GRM7: variants seen among roughly 807,000 people sequenced by gnomAD.
GRM7 encodes glutamate metabotropic receptor 7, also known as metabotropic glutamate receptor 7.
GRM7 carries 35 observed loss-of-function variants against 84.5 expected under a neutral mutation model. The ratio of observed to expected loss-of-function variants is 0.41; its 90% CI spans 0.32 to 0.55. The LOEUF is 0.55. GRM7 is among the 20% of genes least tolerant of loss of function. The pLI, the probability that GRM7 is intolerant of heterozygous loss-of-function variation, is 0.19. For missense variants in GRM7, 1,003 were observed against 1,194.6 expected (o/e 0.84, Z 2.36); for synonymous variants, 487 against 455.1 (o/e 1.07, Z -0.89).
intron 1 of GRM7, among the ~76,000 whole-genome samples, chr3:7,093,089 C>T (rs1193491470): frequency 1.3e-5 from 2 of 152,000 alleles, no homozygotes; most frequent in South Asian, 2.1e-4. Context: ...CCAACAACAG[C>T]GACAACAACA....
chr3:7,455,852 T>A (rs1035035915), intron 6 of GRM7, among the ~76,000 whole-genome samples: 20 of 152,150 alleles, frequency 1.3e-4, no homozygotes, highest in Non-Finnish European at 2.8e-4. Flanking sequence ...TTAGATATAG[T>A]ATGATTTTAA....
intron 8 of GRM7, among the ~76,000 whole-genome samples, chr3:7,675,752 G>A (rs1244958292): frequency 1.3e-5 from 2 of 152,146 alleles, no homozygotes; most frequent in African/African-American, 4.8e-5. Flanking sequence ...AATATATAAA[G>A]TGGTTACAGT....
intron 1 of GRM7, among the ~76,000 whole-genome samples, chr3:6,973,930 G>T (rs922124884): frequency 1.3e-5 from 2 of 152,094 alleles, no homozygotes; most frequent in African/African-American, 2.4e-5. Flanking sequence ...CTGATAGGCT[G>T]GTGTGTTAAG....
chr3:7,342,317 C>T (rs186842622), intron 4 of GRM7, among the ~76,000 whole-genome samples: 2 of 152,220 alleles, frequency 1.3e-5, no homozygotes, highest in South Asian at 2.1e-4. Flanking sequence ...TGTCAAGAAA[C>T]ATCAAAAGTT....
chr3:7,033,275 C>G (rs919255288), intron 1 of GRM7, among the ~76,000 whole-genome samples: 1 of 152,100 alleles, frequency 6.6e-6, no homozygotes, highest in Non-Finnish European at 1.5e-5. Flanking sequence ...CGGATTATAT[C>G]TGCAAAGACC....
chr3:7,418,035 C>A (rs572601002), intron 5 of GRM7, among the ~76,000 whole-genome samples: 124 of 152,190 alleles, frequency 8.1e-4, no homozygotes, highest in African/African-American at 2.8e-3. Flanking sequence ...GCTGTTCATA[C>A]TTCATAATTT....
At chr3:7,165,794 G>A (rs978968395) in intron 2 of GRM7, among the ~76,000 whole-genome samples, 5 of 152,200 alleles carry the variant, frequency 3.3e-5, no homozygotes, top group South Asian at 4.1e-4. Flanking sequence ...TATAATTTCA[G>A]TTGTACTATC....
intron 6 of GRM7, among the ~76,000 whole-genome samples, chr3:7,455,109 C>A (rs1415871184): frequency 6.6e-6 from 1 of 152,064 alleles, no homozygotes; most frequent in East Asian, 1.9e-4. Context: ...ATCCCATTGG[C>A]CAACTCTGGG....
intron 8 of GRM7, among the ~76,000 whole-genome samples, chr3:7,668,306 T>A (rs1699783569): frequency 1.3e-5 from 2 of 152,218 alleles, no homozygotes; most frequent in South Asian, 4.1e-4. Context: ...ATGGAATCTC[T>A]ATCTTTGTGT....
intron 2 of GRM7, among the ~76,000 whole-genome samples, chr3:7,162,854 G>A (rs1300790827): frequency 7.0e-6 from 1 of 142,142 alleles, no homozygotes; most frequent in African/African-American, 2.6e-5. Context: ...CCACCTCCTG[G>A]GTTCAAGCGA....
At chr3:7,128,031 G>T (rs1693459445) in intron 1 of GRM7, among the ~76,000 whole-genome samples, 1 of 151,778 alleles carries the variant, frequency 6.6e-6, no homozygotes, top group South Asian at 2.1e-4. Flanking sequence ...AAAGGTAAAA[G>T]ATGGCCAGTA....
chr3:6,955,257 C>G (rs74586455), intron 1 of GRM7, among the ~76,000 whole-genome samples: 3 of 152,212 alleles, frequency 2.0e-5, no homozygotes, highest in Admixed American at 6.5e-5. Flanking sequence ...GAATGACGGC[C>G]GGGGCTGGTG....
intron 1 of GRM7, among the ~76,000 whole-genome samples, chr3:6,974,852 G>A (rs1693926934): frequency 6.6e-6 from 1 of 152,144 alleles, no homozygotes; most frequent in Non-Finnish European, 1.5e-5. Flanking sequence ...TTACCACAGA[G>A]TTTTTCTGGA....
chr3:7,014,948 G>T (rs1354855669), intron 1 of GRM7, among the ~76,000 whole-genome samples: 1 of 152,148 alleles, frequency 6.6e-6, no homozygotes, highest in Non-Finnish European at 1.5e-5. Context: ...TGGCTAGCTA[G>T]GGGTTTGTAA....
chr3:7,259,040 G>A (rs747159717), intron 2 of GRM7, among the ~76,000 whole-genome samples: 3 of 152,208 alleles, frequency 2.0e-5, no homozygotes, highest in Non-Finnish European at 4.4e-5. Context: ...CTACTGCTAG[G>A]TTGGAGCCAG....
Position 7,635,042 on chromosome 3 carries a change from T to G in GRM7, c.2452-45007T>G, listed in dbSNP as rs1044066950. 2.0e-5 allele frequency among the ~76,000 whole-genome samples: 3 copies of G among 152,196 alleles called. No homozygotes were observed. The East Asian group carries it at 5.8e-4, about 29-fold the overall frequency. On this transcript the variant is annotated intron_variant, in intron 8 of 9. Transcript: ENST00000357716. Reference sequence around the variant, plus strand: ...GTAATGATGGAAATGTCCTCTGAATTGCCTCATGTGGCAGCCATAGCCTCA... The same window carrying G: ...GTAATGATGGAAATGTCCTCTGAATGGCCTCATGTGGCAGCCATAGCCTCA...
chr3:7,058,375 G>T (rs563044533), intron 1 of GRM7, among the ~76,000 whole-genome samples: 3 of 151,790 alleles, frequency 2.0e-5, no homozygotes, highest in Middle Eastern at 3.4e-3. Flanking sequence ...CATGTTAATT[G>T]GTTAATATAG....
chr3:7,312,131 C>T (rs1286042947), intron 4 of GRM7, among the ~76,000 whole-genome samples: 1 of 152,080 alleles, frequency 6.6e-6, no homozygotes, highest in Admixed American at 6.6e-5. Flanking sequence ...TTAACTGAAA[C>T]CTTTGGTAGC....
intron 4 of GRM7, among the ~76,000 whole-genome samples, chr3:7,353,673 A>G (rs1162919787): frequency 2.0e-5 from 3 of 152,166 alleles, no homozygotes; most frequent in Non-Finnish European, 4.4e-5. Flanking sequence ...AGAGAGCACA[A>G]ACATTCTCGA....
Sources: allele counts gnomAD v4.1 joint callset (sites outside exome capture counted in the v4.1 genomes callset), GRCh38; gene constraint gnomAD v4.1.1; transcripts MANE v1.5; gene names NCBI Gene and HGNC (gene_info 2026-07-23, HGNC 2026-07-21).